Variants in LHFPL2 observed in about 807,000 individuals in gnomAD.
LHFPL2 encodes the protein LHFPL tetraspan subfamily member 2 protein.
A neutral mutation model predicts 17.5 loss-of-function variants in LHFPL2; 7 were observed. That is an observed-to-expected ratio of 0.40 (90% CI 0.23 to 0.75). The LOEUF is 0.75. Ranked by LOEUF, LHFPL2 falls within the 30% of genes least tolerant of loss-of-function variation. LHFPL2 has a pLI of 0.37. For synonymous variants in LHFPL2, 134 were observed against 116.2 expected (o/e 1.15, Z -0.99); for missense variants, 241 against 294.8 (o/e 0.82, Z 1.34).
intron 3 of LHFPL2, among the ~76,000 whole-genome samples, chr5:78,535,378 A>G (rs1229807610): frequency 2.0e-5 from 3 of 151,914 alleles, no homozygotes; most frequent in Non-Finnish European, 4.4e-5. Context: ...CTCCCTTCCC[A>G]TCTCACCCCC....
intron 3 of LHFPL2, among the ~76,000 whole-genome samples, chr5:78,512,469 T>C (rs1342712405): frequency 6.6e-6 from 1 of 151,248 alleles, no homozygotes; most frequent in African/African-American, 2.4e-5. Flanking sequence ...AGCTCCCTCC[T>C]CCAGATAGTA....
At chr5:78,600,155 C>T (rs989515442) in intron 2 of LHFPL2, among the ~76,000 whole-genome samples, 11 of 151,930 alleles carry the variant, frequency 7.2e-5, no homozygotes, top group African/African-American at 2.7e-4. Context: ...CTGAATAGTT[C>T]TAAAAATTTC....
chr5:78,511,873 C>T (rs370367765), intron 3 of LHFPL2, among the ~76,000 whole-genome samples: 22 of 152,108 alleles, frequency 1.4e-4, no homozygotes, highest in African/African-American at 4.6e-4. Context: ...GGTGTGTGTG[C>T]GTGTGTCACA....
chr5:78,638,784 G>A (rs1745558417), intron 1 of LHFPL2, among the ~76,000 whole-genome samples: 1 of 152,200 alleles, frequency 6.6e-6, no homozygotes, highest in Non-Finnish European at 1.5e-5. Flanking sequence ...GGCCCAGAGG[G>A]AAGGCTGACA....
At chr5:78,537,369 C>G (rs983407979) in intron 3 of LHFPL2, among the ~76,000 whole-genome samples, 1 of 152,140 alleles carries the variant, frequency 6.6e-6, no homozygotes, top group Non-Finnish European at 1.5e-5. Context: ...TCTTGCCCCC[C>G]AAAAATGGTT....
chr5:78,551,280 A>G (rs555753208), intron 3 of LHFPL2, among the ~76,000 whole-genome samples: 63 of 152,366 alleles, frequency 4.1e-4, no homozygotes, highest in African/African-American at 1.5e-3. Context: ...GAAATAAACA[A>G]GGTAACTTCT....
chr5:78,551,572 C>T (rs1369456018), intron 3 of LHFPL2, among the ~76,000 whole-genome samples: 1 of 152,144 alleles, frequency 6.6e-6, no homozygotes, highest in East Asian at 1.9e-4. Flanking sequence ...AAATAAAAGA[C>T]TGTTGGGGCT....
At chr5:78,544,964 TG>T (rs1334180982) in intron 3 of LHFPL2, among the ~76,000 whole-genome samples, 1 of 152,158 alleles carries the variant, frequency 6.6e-6, no homozygotes, top group Non-Finnish European at 1.5e-5. Flanking sequence ...TAATCCCAAG[TG>T]GAGAGTGCAC....
chr5:78,594,647 A>G (rs1743764376), intron 2 of LHFPL2, among the ~76,000 whole-genome samples: 1 of 152,252 alleles, frequency 6.6e-6, no homozygotes, highest in Non-Finnish European at 1.5e-5. Flanking sequence ...TAGGGATTCT[A>G]TAATTTTTCC....
At position 78,645,543 on chromosome 5, in the gene LHFPL2, T is replaced by TACACAC. The variant is rs56911011; in HGVS notation, c.-350+2950_-350+2955dup. ...ACCCCAAGATAGACAGACAGATGCA[T>TACACAC]ACACACACACACACACACACACACA... On this transcript the variant is annotated intron_variant, in intron 1 of 4. Coordinates refer to ENST00000380345, the MANE Select transcript of LHFPL2 (RefSeq NM_005779.3). Among the ~76,000 whole-genome samples the TACACAC allele has an allele frequency of 1.4e-3, 194 of 137,316 alleles. 2 individuals are homozygous for TACACAC. The highest frequency in any genetic ancestry group is 2.6e-3 in the Admixed American group (36 of 13,774). 90.1% of individuals were successfully genotyped at this position (137,316 alleles called of 152,430 possible).
At chr5:78,572,486 A>G (rs1052165256) in intron 2 of LHFPL2, among the ~76,000 whole-genome samples, 4 of 142,926 alleles carry the variant, frequency 2.8e-5, no homozygotes, top group Non-Finnish European at 4.4e-5. Flanking sequence ...ATATATGTGT[A>G]TATATATGTG....
chr5:78,529,607 C>CAGTCCGG (rs1219038409), intron 3 of LHFPL2, among the ~76,000 whole-genome samples: 1 of 150,692 alleles, frequency 6.6e-6, no homozygotes, highest in African/African-American at 2.4e-5. Context: ...CTGCAGTCCG[C>CAGTCCGG]AGTCCGGCCT....
chr5:78,489,181 G>C (rs756510180), intron 4 of LHFPL2, 28 bp from the exon 5 acceptor site: 1 of 1,612,250 alleles, frequency 6.2e-7, no homozygotes, highest in East Asian at 2.2e-5. Context: ...AAACAGATTA[G>C]AAAATCCCCA....
intron 4 of LHFPL2, among the ~76,000 whole-genome samples, chr5:78,490,339 C>A (rs1019674863): frequency 6.6e-6 from 1 of 152,164 alleles, no homozygotes; most frequent in African/African-American, 2.4e-5. Context: ...GGGTGCCTCA[C>A]CCTGGCTGCC....
chr5:78,533,687 C>T (rs977169114), intron 3 of LHFPL2, among the ~76,000 whole-genome samples: 3 of 121,804 alleles, frequency 2.5e-5, no homozygotes, highest in African/African-American at 9.5e-5. Context: ...AGTCATAAGC[C>T]ATGTGCCAAA....
At chr5:78,538,791 C>A (rs543404985) in intron 3 of LHFPL2, among the ~76,000 whole-genome samples, 1 of 152,262 alleles carries the variant, frequency 6.6e-6, no homozygotes, top group African/African-American at 2.4e-5. Flanking sequence ...TATAAGCTGC[C>A]CCTTCATATA....
chr5:78,618,911 G>A (rs1176741319), intron 2 of LHFPL2, among the ~76,000 whole-genome samples: 2 of 152,148 alleles, frequency 1.3e-5, no homozygotes, highest in African/African-American at 2.4e-5. Flanking sequence ...AAAACCAGAC[G>A]GGACACAGCA....
chr5:78,590,193 C>G (rs909861936), intron 2 of LHFPL2: 3 of 128,080 alleles, frequency 2.3e-5, no homozygotes, highest in Non-Finnish European at 5.3e-5. Flanking sequence ...CCAGGAAGAC[C>G]TAGCCAGGAA....
chr5:78,616,805 C>A (rs1561366811), intron 2 of LHFPL2, among the ~76,000 whole-genome samples: 1 of 152,212 alleles, frequency 6.6e-6, no homozygotes, highest in Non-Finnish European at 1.5e-5. Flanking sequence ...ACAGCCCTGA[C>A]AACCTGGACT....
Sources: allele counts gnomAD v4.1 joint callset (sites outside exome capture counted in the v4.1 genomes callset), GRCh38; gene constraint gnomAD v4.1.1; transcripts MANE v1.5; gene names NCBI Gene and HGNC (gene_info 2026-07-23, HGNC 2026-07-21).